HIP1: variants seen among roughly 807,000 people sequenced by gnomAD.
The protein encoded by HIP1 is huntingtin-interacting protein 1.
Under a neutral mutation model 147.6 loss-of-function variants are expected in HIP1, and 65 were observed. The observed-to-expected ratio is 0.44, with a 90% CI of 0.36 to 0.54. The LOEUF is 0.54. Ranked by LOEUF, HIP1 falls within the 20% of genes least tolerant of loss-of-function variation. The pLI is 0.00. For synonymous variants in HIP1, 479 were observed against 504.0 expected (o/e 0.95, Z 0.67); for missense variants, 1,061 against 1,299.6 (o/e 0.82, Z 2.82).
intron 1 of HIP1, among the ~76,000 whole-genome samples, chr7:75,680,616 T>C (rs4731604): frequency 3.5e-5 from 1 of 28,712 alleles, no homozygotes; most frequent in Non-Finnish European, 6.7e-5. Flanking sequence ...AACTTTTTTT[T>C]CTTTTTTTTT....
At chr7:75,595,177 G>T (rs1327058819) in intron 2 of HIP1, among the ~76,000 whole-genome samples, 3 of 149,934 alleles carry the variant, frequency 2.0e-5, no homozygotes, top group African/African-American at 7.3e-5. Flanking sequence ...TCAGCTTTTG[G>T]TGTAGGAGTC....
At chr7:75,588,614 G>A (rs113818504) in intron 4 of HIP1, among the ~76,000 whole-genome samples, 33 of 151,678 alleles carry the variant, frequency 2.2e-4, no homozygotes, top group African/African-American at 6.8e-4. Flanking sequence ...GAAAACCTGC[G>A]TCTACAAAAA....
chr7:75,636,669 G>A (rs1455356551), intron 1 of HIP1, among the ~76,000 whole-genome samples: 3 of 152,218 alleles, frequency 2.0e-5, no homozygotes, highest in Admixed American at 1.3e-4. Flanking sequence ...AGCTGCAGAC[G>A]ATTGTTTCTG....
intron 22 of HIP1, among the ~76,000 whole-genome samples, chr7:75,550,665 G>A (rs781857114): frequency 6.6e-6 from 1 of 151,998 alleles, no homozygotes; most frequent in Non-Finnish European, 1.5e-5. Context: ...CTCCCGCTTC[G>A]GCCTCCCAAA....
chr7:75,619,772 A>G (rs1448348924), intron 1 of HIP1, among the ~76,000 whole-genome samples: 1 of 152,218 alleles, frequency 6.6e-6, no homozygotes, highest in Non-Finnish European at 1.5e-5. Context: ...GAGAGGATTC[A>G]GTTTACAGAA....
At chr7:75,724,132 T>G (rs1247307405) in intron 1 of HIP1, among the ~76,000 whole-genome samples, 1 of 152,062 alleles carries the variant, frequency 6.6e-6, no homozygotes, top group African/African-American at 2.4e-5. Context: ...AATTTTCATA[T>G]TTTTAGTAGA....
chr7:75,669,201 TA>T (rs370470973), intron 1 of HIP1, among the ~76,000 whole-genome samples: 19,430 of 149,610 alleles, frequency 0.13, 1,366 homozygotes, highest in East Asian at 0.17. Context: ...CTGTCTATAC[TA>T]AAAAAAAAAA....
intron 1 of HIP1, among the ~76,000 whole-genome samples, chr7:75,680,391 G>A (rs567910906): frequency 2.8e-4 from 43 of 152,040 alleles, no homozygotes; most frequent in African/African-American, 9.9e-4. Context: ...TGCCTCTGTG[G>A]TCACCATCCT....
rs1279116860 is a variant in HIP1 at position 75,536,053 on chromosome 7, A to C, written c.*2119T>G. 1 of 184,106 alleles carries C rather than the reference A, an allele frequency of 5.4e-6. No homozygotes were observed. The highest frequency in any genetic ancestry group is 2.3e-5 in the African/African-American group (1 of 42,556). 11.4% of individuals were successfully genotyped at this position (184,106 alleles called of 1,614,324 possible). A position where few individuals can be genotyped will look rare whatever the true frequency, so the allele number is the denominator to read the frequency against. ...GGGAACATATGAGTTAGAATGGCTGAGATCTAGAAGTGAGGACTAGCCACT... is the reference window on the plus strand; with the variant it reads ...GGGAACATATGAGTTAGAATGGCTGCGATCTAGAAGTGAGGACTAGCCACT... On this transcript the variant is annotated 3_prime_UTR_variant, in exon 31 of 31. Coordinates refer to ENST00000336926, the MANE Select transcript of HIP1 (RefSeq NM_005338.7).
At chr7:75,679,581 G>A (rs1217102038) in intron 1 of HIP1, among the ~76,000 whole-genome samples, 1 of 152,140 alleles carries the variant, frequency 6.6e-6, no homozygotes, top group African/African-American at 2.4e-5. Context: ...ACTAGAGCTT[G>A]TTTTCCAGGA....
At chr7:75,662,641 G>T (rs549922872) in intron 1 of HIP1, among the ~76,000 whole-genome samples, 2 of 152,132 alleles carry the variant, frequency 1.3e-5, no homozygotes, top group Non-Finnish European at 2.9e-5. Context: ...TAGAAGCTGG[G>T]ATTACAGGCA....
chr7:75,617,015 C>T (rs1421393585), intron 1 of HIP1, among the ~76,000 whole-genome samples: 4 of 152,024 alleles, frequency 2.6e-5, no homozygotes, highest in Admixed American at 6.6e-5. Flanking sequence ...AAGCAATCCT[C>T]CCACCTCAGC....
chr7:75,563,425 G>A (rs1795299442), intron 9 of HIP1, 162 bp from the exon 10 acceptor site: 6 of 620,814 alleles, frequency 9.7e-6, no homozygotes, highest in Non-Finnish European at 1.7e-5. Flanking sequence ...ATGCTGCAGA[G>A]GATTATTTAA....
At chr7:75,543,426 A>G (rs1794410744) in intron 27 of HIP1, among the ~76,000 whole-genome samples, 1 of 152,090 alleles carries the variant, frequency 6.6e-6, no homozygotes, top group Non-Finnish European at 1.5e-5. Flanking sequence ...ATCTTAGCTC[A>G]CTGCAACCTC....
intron 1 of HIP1, among the ~76,000 whole-genome samples, chr7:75,677,641 T>A (rs2117262011): frequency 6.8e-6 from 1 of 147,702 alleles, no homozygotes; most frequent in Middle Eastern, 3.7e-3. Context: ...GCCTTTCAAG[T>A]AGGGTCTTCA....
intron 30 of HIP1, among the ~76,000 whole-genome samples, chr7:75,538,804 G>T (rs1794188358): frequency 1.3e-5 from 2 of 152,010 alleles, no homozygotes; most frequent in Admixed American, 1.3e-4. Flanking sequence ...TCGATCTCCT[G>T]ACCTCGTGAT....
intron 1 of HIP1, among the ~76,000 whole-genome samples, chr7:75,664,504 A>G (rs113760668): frequency 4.7e-5 from 7 of 147,886 alleles, no homozygotes; most frequent in Admixed American, 1.3e-4. Context: ...ATACATATAT[A>G]TGTATGTGTA....
chr7:75,644,262 G>A (rs1027908671), intron 1 of HIP1, among the ~76,000 whole-genome samples: 6 of 152,086 alleles, frequency 3.9e-5, no homozygotes, highest in African/African-American at 1.4e-4. Context: ...CAGCTTACTT[G>A]GTGGCTAGCT....
At chr7:75,545,327 A>G (rs1794514381) in intron 25 of HIP1, 139 bp from the exon 26 acceptor site, 3 of 649,666 alleles carry the variant, frequency 4.6e-6, no homozygotes, top group Non-Finnish European at 5.4e-6. Flanking sequence ...TTTACAAAAA[A>G]GAAGAAGATT....
Sources: allele counts gnomAD v4.1 joint callset (sites outside exome capture counted in the v4.1 genomes callset), GRCh38; gene constraint gnomAD v4.1.1; transcripts MANE v1.5; gene names NCBI Gene and HGNC (gene_info 2026-07-23, HGNC 2026-07-21).